Variants in ACBD6 observed in about 807,000 individuals in gnomAD.
ACBD6 encodes acyl-CoA binding domain containing 6.
Under a neutral mutation model 37.2 loss-of-function variants are expected in ACBD6, and 28 were observed. The ratio of observed to expected loss-of-function variants is 0.75; its 90% CI spans 0.56 to 1.03. The LOEUF (loss-of-function observed/expected upper bound fraction) is 1.03, where lower values mean the gene tolerates loss of function less well. ACBD6 is among the 50% of genes least tolerant of loss of function. The pLI is 0.00. For missense variants in ACBD6, 340 were observed against 337.4 expected (o/e 1.01, Z -0.06); for synonymous variants, 113 against 126.8 (o/e 0.89, Z 0.73).
intron 7 of ACBD6, among the ~76,000 whole-genome samples, chr1:180,294,568 A>G (rs1471395539): frequency 2.6e-5 from 4 of 151,834 alleles, no homozygotes; most frequent in Non-Finnish European, 5.9e-5. Flanking sequence ...AATAATAATA[A>G]ATTTGTCCAT....
intron 6 of ACBD6, among the ~76,000 whole-genome samples, chr1:180,371,646 C>T (rs1653270862): frequency 6.6e-6 from 1 of 152,026 alleles, no homozygotes; most frequent in South Asian, 2.1e-4. Context: ...AAGTGAGGAA[C>T]ACTGGATAAA....
chr1:180,493,268 A>AAACC lies in ACBD6; in HGVS notation c.288-904_288-903insGGTT, dbSNP rs1557893814. Among the ~76,000 whole-genome samples, 12 of 133,024 alleles carry AAACC rather than the reference A, an allele frequency of 9.0e-5. 1 individual carries two copies. The highest frequency in any genetic ancestry group is 3.7e-4 in the African/African-American group (11 of 29,974). 87.3% of individuals were successfully genotyped at this position (133,024 alleles called of 152,430 possible). A position where few individuals can be genotyped will look rare whatever the true frequency, so the allele number is the denominator to read the frequency against. ...GTCTCAAAAAAAAAAAAAAAAAAAA[A>AAACC]AAAAAAAAAACAACAACAGCAACTA... On this transcript the variant is annotated intron_variant, in intron 2 of 7. Transcript: ENST00000367595.
At chr1:180,420,994 T>C (rs1366276755) in intron 4 of ACBD6, among the ~76,000 whole-genome samples, 1 of 152,102 alleles carries the variant, frequency 6.6e-6, no homozygotes, top group African/African-American at 2.4e-5. Context: ...TTCATGCAAA[T>C]AGATATCCTC....
chr1:180,451,013 T>G (rs562444059), intron 3 of ACBD6, among the ~76,000 whole-genome samples: 1 of 152,314 alleles, frequency 6.6e-6, no homozygotes. Flanking sequence ...AAAGACTGTA[T>G]GCTAGAATAA....
intron 3 of ACBD6, among the ~76,000 whole-genome samples, chr1:180,489,459 T>C (rs1356955573): frequency 2.0e-5 from 3 of 151,282 alleles, no homozygotes; most frequent in African/African-American, 7.3e-5. Context: ...ACTTTTAGAA[T>C]AGTATGTTAT....
At chr1:180,310,636 GT>G (rs1558243953) in intron 7 of ACBD6, among the ~76,000 whole-genome samples, 1 of 152,106 alleles carries the variant, frequency 6.6e-6, no homozygotes, top group African/African-American at 2.4e-5. Flanking sequence ...TCTAAATCAT[GT>G]TTCATTATAC....
intron 7 of ACBD6, among the ~76,000 whole-genome samples, chr1:180,311,139 T>C (rs1650574665): frequency 6.6e-6 from 1 of 152,196 alleles, no homozygotes; most frequent in African/African-American, 2.4e-5. Context: ...AAAGGTTTGC[T>C]TGCAACCCAT....
At chr1:180,497,195 A>C (rs1197773054) in intron 1 of ACBD6, among the ~76,000 whole-genome samples, 2 of 152,234 alleles carry the variant, frequency 1.3e-5, no homozygotes, top group Non-Finnish European at 2.9e-5. Flanking sequence ...GACACTATCC[A>C]GTGGCAGAAA....
intron 3 of ACBD6, among the ~76,000 whole-genome samples, chr1:180,451,187 T>G (rs921011351): frequency 1.3e-5 from 2 of 152,156 alleles, no homozygotes; most frequent in African/African-American, 4.8e-5. Context: ...AAATGCAAAT[T>G]GAAATCACAA....
At chr1:180,369,946 C>T (rs4652497) in intron 6 of ACBD6, among the ~76,000 whole-genome samples, 151,197 of 152,328 alleles carry the variant, frequency 0.99, 75,044 homozygotes, top group East Asian at 1. Flanking sequence ...AAACTTAAGA[C>T]TGAGTGTTCA....
chr1:180,336,806 A>G (rs1398102753), intron 6 of ACBD6, among the ~76,000 whole-genome samples: 1 of 152,224 alleles, frequency 6.6e-6, no homozygotes, highest in Admixed American at 6.5e-5. Context: ...AGATGCAATA[A>G]AAAATGATAA....
intron 6 of ACBD6, among the ~76,000 whole-genome samples, chr1:180,368,999 T>C (rs979752919): frequency 6.6e-6 from 1 of 152,192 alleles, no homozygotes; most frequent in Non-Finnish European, 1.5e-5. Flanking sequence ...TAATCCTTTA[T>C]AGGGAACTCA....
intron 3 of ACBD6, among the ~76,000 whole-genome samples, chr1:180,484,954 C>G (rs1335674137): frequency 6.6e-6 from 1 of 151,812 alleles, no homozygotes; most frequent in Non-Finnish European, 1.5e-5. Flanking sequence ...ATCCCAGCTA[C>G]CAGCTACTCA....
rs58143915 is a variant in ACBD6, at chr1:180,360,693, CA to C, written c.663+36822del. Among the ~76,000 whole-genome samples the C allele has an allele frequency of 2.0e-3, 310 of 151,944 alleles. 1 individual carries two copies. Among genetic ancestry groups the C allele is most frequent in the African/African-American group, 6.5e-3 (271 of 41,474 alleles). On this transcript the variant is annotated intron_variant, in intron 6 of 7. Transcript: ENST00000367595. Reference sequence around the variant, plus strand: ...ACCTTTGTGAAGTAATTAAATGTGACAAAAAAATTATTAAAATATTATTTTA... The same window carrying C: ...ACCTTTGTGAAGTAATTAAATGTGACAAAAAATTATTAAAATATTATTTTA...
intron 6 of ACBD6, among the ~76,000 whole-genome samples, chr1:180,345,584 AG>A (rs1158005935): frequency 2.0e-5 from 3 of 152,200 alleles, no homozygotes; most frequent in Non-Finnish European, 4.4e-5. Context: ...CAGAATAGCA[AG>A]GAATTAGAAA....
intron 7 of ACBD6, among the ~76,000 whole-genome samples, chr1:180,303,440 C>T (rs1407749371): frequency 6.6e-6 from 1 of 150,804 alleles, no homozygotes; most frequent in Non-Finnish European, 1.5e-5. Flanking sequence ...ACCAATCCCG[C>T]AGAAATACAA....
intron 2 of ACBD6, among the ~76,000 whole-genome samples, chr1:180,494,691 T>C (rs1295359612): frequency 6.6e-6 from 1 of 152,182 alleles, no homozygotes; most frequent in Non-Finnish European, 1.5e-5. Context: ...AACCATATTT[T>C]ATCTTTTTTC....
rs543866608 is a variant in ACBD6 at position 180,428,634 on chromosome 1, G to A, written c.467+1546C>T. ...CTGTAGGGCTGCTGTGATCAGTCAC[G>A]TCATCAGACATTTGAAAAGAAAATG... On this transcript the variant is annotated intron_variant, in intron 4 of 7. Coordinates refer to ENST00000367595, the MANE Select transcript of ACBD6 (RefSeq NM_032360.4). Among the ~76,000 whole-genome samples, 5 of 152,244 alleles carry A rather than the reference G, an allele frequency of 3.3e-5. No individual in the cohort carries two copies. In the East Asian group the frequency reaches 5.8e-4, roughly 18 times the overall value.
intron 4 of ACBD6, among the ~76,000 whole-genome samples, chr1:180,425,342 C>T (rs1215471820): frequency 2.0e-5 from 3 of 152,192 alleles, no homozygotes; most frequent in African/African-American, 7.2e-5. Flanking sequence ...CTTGCCTATA[C>T]CCACTTGTGT....
Sources: gnomAD v4.1 joint callset for allele counts (sites outside exome capture counted in the v4.1 genomes callset) on GRCh38, gnomAD v4.1.1 for gene constraint, MANE v1.5 for transcripts, NCBI Gene and HGNC (gene_info 2026-07-23, HGNC 2026-07-21) for gene names.